The following DLG2 variants were observed in gnomAD, a reference collection of about 807,000 sequenced individuals.
DLG2 encodes disks large homolog 2.
DLG2 carries 45 observed loss-of-function variants against 132.5 expected under a neutral mutation model. That is an observed-to-expected ratio of 0.34 (90% CI 0.27 to 0.44). The LOEUF is 0.44. Ranked by LOEUF, DLG2 falls within the 20% of genes least tolerant of loss-of-function variation. The probability of loss-of-function intolerance (pLI) is 1.00; values close to 1 mark genes in which losing one functional copy is unlikely to be tolerated. For synonymous variants in DLG2, 424 were observed against 419.6 expected (o/e 1.01, Z -0.13); for missense variants, 1,045 against 1,196.9 (o/e 0.87, Z 1.87).
chr11:84,539,515 C>T (rs1205052809), intron 6 of DLG2, among the ~76,000 whole-genome samples: 1 of 152,182 alleles, frequency 6.6e-6, no homozygotes, highest in Non-Finnish European at 1.5e-5. Context: ...CTCTGTATTG[C>T]AGTCTGTGCT....
chr11:85,602,811 T>C (rs1397455769), intron 2 of DLG2, among the ~76,000 whole-genome samples: 1 of 152,206 alleles, frequency 6.6e-6, no homozygotes, highest in African/African-American at 2.4e-5. Context: ...AACTCTCCTA[T>C]ATCATGGCCT....
chr11:85,183,189 G>A (rs181033130), intron 4 of DLG2, among the ~76,000 whole-genome samples: 5 of 151,898 alleles, frequency 3.3e-5, no homozygotes, highest in Admixed American at 2.0e-4. Flanking sequence ...CAGTATGAAT[G>A]GAATCAGCTT....
At chr11:85,063,150 G>A (rs778539102) in intron 6 of DLG2, among the ~76,000 whole-genome samples, 3 of 151,784 alleles carry the variant, frequency 2.0e-5, no homozygotes, top group Non-Finnish European at 2.9e-5. Flanking sequence ...AGTGTTAGCC[G>A]CTAAGGCTTA....
chr11:85,592,102 CTA>C (rs1459367709), intron 3 of DLG2, among the ~76,000 whole-genome samples: 1 of 152,186 alleles, frequency 6.6e-6, no homozygotes, highest in African/African-American at 2.4e-5. Context: ...TAGTCCTCCA[CTA>C]TATGATGTTT....
chr11:84,663,086 T>C (rs1481930016), intron 6 of DLG2, among the ~76,000 whole-genome samples: 2 of 152,128 alleles, frequency 1.3e-5, no homozygotes, highest in African/African-American at 2.4e-5. Context: ...TTCCTTAGTA[T>C]GTCCTTCTCC....
chr11:83,677,189 TAAAG>T (rs2077883473), intron 18 of DLG2, among the ~76,000 whole-genome samples: 1 of 152,116 alleles, frequency 6.6e-6, no homozygotes, highest in African/African-American at 2.4e-5. Context: ...AAATAAAACA[TAAAG>T]AAGAAACTAA....
intron 11 of DLG2, among the ~76,000 whole-genome samples, chr11:84,046,691 C>G (rs2096249337): frequency 6.6e-6 from 1 of 151,476 alleles, no homozygotes. Context: ...CTAATATCAA[C>G]CTTTATTTTG....
chr11:84,610,819 T>C (rs1378392975), intron 6 of DLG2, among the ~76,000 whole-genome samples: 2 of 152,136 alleles, frequency 1.3e-5, no homozygotes, highest in Admixed American at 1.3e-4. Context: ...CAGTCATACA[T>C]AGCCACAGAT....
At chr11:85,512,604 A>G (rs1186545809) in intron 3 of DLG2, among the ~76,000 whole-genome samples, 1 of 152,098 alleles carries the variant, frequency 6.6e-6, no homozygotes, top group Admixed American at 6.6e-5. Context: ...TCAGTCTCCT[A>G]GCCAGGTTTA....
At chr11:83,472,596 A>G in intron 23 of DLG2, 131 bp downstream of exon 23, 1 of 719,112 alleles carries the variant, frequency 1.4e-6, no homozygotes, top group Non-Finnish European at 2.3e-6. Context: ...GCGTAAGAGT[A>G]AGGTACGGTC....
At chr11:84,052,687 C>CAAAA (rs67140653) in intron 11 of DLG2, among the ~76,000 whole-genome samples, 2 of 125,304 alleles carry the variant, frequency 1.6e-5, no homozygotes, top group African/African-American at 3.2e-5. Context: ...ATTAAAAAGT[C>CAAAA]AAAAAAAAAA....
intron 6 of DLG2, among the ~76,000 whole-genome samples, chr11:84,564,764 G>A (rs2099444675): frequency 6.6e-6 from 1 of 152,168 alleles, no homozygotes; most frequent in Non-Finnish European, 1.5e-5. Flanking sequence ...TTCTCAAAAA[G>A]ATGTGAGTGC....
chr11:84,121,284 C>A (rs1481710508), intron 9 of DLG2, among the ~76,000 whole-genome samples: 1 of 152,078 alleles, frequency 6.6e-6, no homozygotes, highest in Non-Finnish European at 1.5e-5. Context: ...ATTTTCCTTC[C>A]AGAATTATTA....
intron 7 of DLG2, among the ~76,000 whole-genome samples, chr11:84,420,839 T>C (rs1344510365): frequency 6.7e-6 from 1 of 150,068 alleles, no homozygotes; most frequent in African/African-American, 2.4e-5. Flanking sequence ...CGGCTAATTT[T>C]TTGTATTTTT....
intron 21 of DLG2, among the ~76,000 whole-genome samples, chr11:83,501,142 A>G (rs1402255880): frequency 1.3e-5 from 2 of 151,928 alleles, no homozygotes; most frequent in East Asian, 3.8e-4. Flanking sequence ...GGGGCTCAGA[A>G]CATACGTTGT....
At chr11:84,582,699 C>T (rs924309630) in intron 6 of DLG2, among the ~76,000 whole-genome samples, 1 of 151,902 alleles carries the variant, frequency 6.6e-6, no homozygotes. Flanking sequence ...ATCAATGAAT[C>T]ACAGCAGCAA....
chr11:84,335,323 C>T (rs1164498113), intron 7 of DLG2, among the ~76,000 whole-genome samples: 1 of 151,592 alleles, frequency 6.6e-6, no homozygotes, highest in South Asian at 2.1e-4. Context: ...AGAAGTAATA[C>T]AAAGAAGTTT....
At chr11:85,150,136 C>T (rs1039708005) in intron 5 of DLG2, among the ~76,000 whole-genome samples, 2 of 149,908 alleles carry the variant, frequency 1.3e-5, no homozygotes, top group Admixed American at 6.7e-5. Flanking sequence ...TCTCCTGCCT[C>T]GGCCTCCCCA....
intron 3 of DLG2, among the ~76,000 whole-genome samples, chr11:85,441,034 C>G (rs1198225099): frequency 6.6e-6 from 1 of 152,150 alleles, no homozygotes; most frequent in Admixed American, 6.6e-5. Flanking sequence ...AACAATTAAG[C>G]TTTCAGCTTT....
Sources: gnomAD v4.1 joint callset for allele counts (sites outside exome capture counted in the v4.1 genomes callset) on GRCh38, gnomAD v4.1.1 for gene constraint, MANE v1.5 for transcripts, NCBI Gene and HGNC (gene_info 2026-07-23, HGNC 2026-07-21) for gene names.